The following PLPPR1 variants were observed in gnomAD, a reference collection of about 807,000 sequenced individuals.
PLPPR1 encodes phospholipid phosphatase related 1.
PLPPR1 carries 10 observed loss-of-function variants against 33.1 expected under a neutral mutation model. The observed-to-expected ratio is 0.30, with a 90% confidence interval of 0.19 to 0.51. The LOEUF is 0.51. Among genes scored for constraint, PLPPR1 ranks in the 20% least tolerant of loss-of-function variants. The pLI is 0.97. For missense variants in PLPPR1, 304 were observed against 408.1 expected (o/e 0.74, Z 2.20); for synonymous variants, 151 against 151.0 (o/e 1.00, Z 0.00).
chr9:101,300,480 T>A (rs1828732830), intron 4 of PLPPR1, among the ~76,000 whole-genome samples: 1 of 152,150 alleles, frequency 6.6e-6, no homozygotes, highest in South Asian at 2.1e-4. Context: ...GTTATTACAT[T>A]AGAACATAAT....
chr9:101,031,613 A>T (rs1829946896), intron 1 of PLPPR1, among the ~76,000 whole-genome samples: 1 of 152,262 alleles, frequency 6.6e-6, no homozygotes, highest in Non-Finnish European at 1.5e-5. Context: ...CCAATCATCA[A>T]GGTAACAGGT....
chr9:101,043,439 A>G (rs1830107608), intron 1 of PLPPR1, among the ~76,000 whole-genome samples: 1 of 151,524 alleles, frequency 6.6e-6, no homozygotes. Context: ...GTATATATGT[A>G]TATGCATACA....
intron 3 of PLPPR1, among the ~76,000 whole-genome samples, chr9:101,284,759 C>A (rs898715655): frequency 6.6e-6 from 1 of 152,116 alleles, no homozygotes; most frequent in Non-Finnish European, 1.5e-5. Context: ...CTTTATCCAT[C>A]TAAACAGACA....
intron 1 of PLPPR1, among the ~76,000 whole-genome samples, chr9:101,169,859 T>C (rs1324655881): frequency 1.3e-5 from 2 of 151,938 alleles, no homozygotes. Flanking sequence ...TCCAAATACT[T>C]TATTTTTCAC....
Position 101,277,409 on chromosome 9 carries a change from G to C in PLPPR1, c.252+7341G>C, listed in dbSNP as rs954563048. Reference sequence around the variant, plus strand: ...ACTTGGGGTAGGCTGTGTCTACTTTGCTTTCAGGGAAGGTTACTTGGTAAG... The same window carrying C: ...ACTTGGGGTAGGCTGTGTCTACTTTCCTTTCAGGGAAGGTTACTTGGTAAG... On this transcript the variant is annotated intron_variant, in intron 3 of 7. Transcript: ENST00000374874. Among the ~76,000 whole-genome samples the C allele has an allele frequency of 9.2e-5, 14 of 152,176 alleles. No homozygotes were observed. In the South Asian group the frequency reaches 2.9e-3, roughly 32 times the overall value.
intron 2 of PLPPR1, among the ~76,000 whole-genome samples, chr9:101,219,167 T>A (rs76258063): frequency 6.6e-6 from 1 of 152,320 alleles, no homozygotes; most frequent in African/African-American, 2.4e-5. Flanking sequence ...TTAAAGCTTG[T>A]CCTTGCCTTT....
intron 1 of PLPPR1, among the ~76,000 whole-genome samples, chr9:101,127,127 T>C (rs1831255361): frequency 6.6e-6 from 1 of 152,198 alleles, no homozygotes; most frequent in Admixed American, 6.5e-5. Flanking sequence ...ATTTGTCCCA[T>C]TGTTACCCTC....
chr9:101,088,444 C>T (rs74487836), intron 1 of PLPPR1, among the ~76,000 whole-genome samples: 2,974 of 151,844 alleles, frequency 0.02, 66 homozygotes, highest in African/African-American at 0.052. Context: ...GCTTATGAAA[C>T]GACTGTCTCC....
intron 2 of PLPPR1, among the ~76,000 whole-genome samples, chr9:101,230,089 T>C (rs1387422107): frequency 6.6e-6 from 1 of 152,064 alleles, no homozygotes; most frequent in African/African-American, 2.4e-5. Flanking sequence ...ACCAATCCAG[T>C]CATCTCTGGA....
At chr9:101,164,565 G>A (rs1189061594) in intron 1 of PLPPR1, among the ~76,000 whole-genome samples, 1 of 151,712 alleles carries the variant, frequency 6.6e-6, no homozygotes, top group Non-Finnish European at 1.5e-5. Context: ...ACAGGGTTTT[G>A]CCATGTTGGC....
chr9:101,180,219 TAC>T (rs1301590585), intron 1 of PLPPR1, among the ~76,000 whole-genome samples: 2 of 136,192 alleles, frequency 1.5e-5, no homozygotes, highest in Middle Eastern at 3.9e-3. Flanking sequence ...TATATACACA[TAC>T]ACACACACAT....
chr9:101,253,816 C>T (rs891452986), intron 2 of PLPPR1, among the ~76,000 whole-genome samples: 4 of 152,104 alleles, frequency 2.6e-5, no homozygotes, highest in African/African-American at 4.8e-5. Context: ...GATTTGTCCT[C>T]ACCATTCCCT....
chr9:101,249,079 A>C (rs1461753120), intron 2 of PLPPR1, among the ~76,000 whole-genome samples: 1 of 152,096 alleles, frequency 6.6e-6, no homozygotes, highest in African/African-American at 2.4e-5. Context: ...GCCAAACTTC[A>C]TGATATGCCA....
intron 1 of PLPPR1, among the ~76,000 whole-genome samples, chr9:101,095,914 T>C (rs1487195238): frequency 1.3e-5 from 2 of 152,144 alleles, no homozygotes; most frequent in Non-Finnish European, 1.5e-5. Flanking sequence ...GTTAAAGCAA[T>C]TGTAACATCA....
chr9:101,037,708 C>T (rs1033755740), intron 1 of PLPPR1, among the ~76,000 whole-genome samples: 1 of 152,114 alleles, frequency 6.6e-6, no homozygotes, highest in African/African-American at 2.4e-5. Context: ...AGCCTTCCCT[C>T]CTGGGGGTCA....
chr9:101,109,508 A>T (rs964863190), intron 1 of PLPPR1, among the ~76,000 whole-genome samples: 1 of 152,162 alleles, frequency 6.6e-6, no homozygotes, highest in African/African-American at 2.4e-5. Flanking sequence ...GCTATGCCAT[A>T]TACTTCTGGC....
chr9:101,048,369 A>G (rs941177405), intron 1 of PLPPR1, among the ~76,000 whole-genome samples: 2 of 152,174 alleles, frequency 1.3e-5, no homozygotes, highest in Non-Finnish European at 2.9e-5. Flanking sequence ...AACATTCAAG[A>G]TAGGAGGTAC....
At chr9:101,136,420 CTT>C (rs1355555792) in intron 1 of PLPPR1, among the ~76,000 whole-genome samples, 1 of 152,188 alleles carries the variant, frequency 6.6e-6, no homozygotes, top group Non-Finnish European at 1.5e-5. Context: ...TGTAGATTCT[CTT>C]TTGCTGATCC....
intron 1 of PLPPR1, among the ~76,000 whole-genome samples, chr9:101,043,072 C>T (rs1830095753): frequency 6.6e-6 from 1 of 152,074 alleles, no homozygotes; most frequent in Admixed American, 6.6e-5. Flanking sequence ...CACCCTTTCC[C>T]CCTGAGTCCC....
Sources: gnomAD v4.1 joint callset for allele counts (sites outside exome capture counted in the v4.1 genomes callset) on GRCh38, gnomAD v4.1.1 for gene constraint, MANE v1.5 for transcripts, NCBI Gene and HGNC (gene_info 2026-07-23, HGNC 2026-07-21) for gene names.